Variants in SGK3 observed in about 807,000 individuals in gnomAD.
SGK3 encodes the protein serine/threonine-protein kinase Sgk3.
A neutral mutation model predicts 68.5 loss-of-function variants in SGK3; 47 were observed. The ratio of observed to expected loss-of-function variants is 0.69; its 90% CI spans 0.54 to 0.87. The LOEUF (loss-of-function observed/expected upper bound fraction) is 0.87. Ranked by LOEUF, SGK3 falls within the 40% of genes least tolerant of loss-of-function variation. The pLI is 0.00. For synonymous variants in SGK3, 181 were observed against 189.1 expected (o/e 0.96, Z 0.35); for missense variants, 479 against 575.5 (o/e 0.83, Z 1.72).
rs528140445 is a variant in SGK3, at chr8:66,777,761, A to G, written c.-121-15855A>G. ...CCTGACATTCAGAATTCCCTACAAC[A>G]TGATTTAAAGCCCACTTTTACAGTC... is the stretch of plus-strand genomic sequence containing the variant. On this transcript the variant is annotated intron_variant, in intron 1 of 16. Transcript: ENST00000521198. Among the ~76,000 whole-genome samples the G allele has an allele frequency of 1.1e-4, 16 of 150,624 alleles. No individual in the cohort carries two copies. In the South Asian group the frequency reaches 1.2e-3, roughly 12 times the overall value.
chr8:66,817,150 T>C (rs1203796981), intron 5 of SGK3, among the ~76,000 whole-genome samples: 1 of 151,976 alleles, frequency 6.6e-6, no homozygotes, highest in African/African-American at 2.4e-5. Context: ...GCTTTTCTTC[T>C]GGCCAGGCAC....
chr8:66,715,836 A>C (rs1354369351), intron 1 of SGK3, among the ~76,000 whole-genome samples: 2 of 152,178 alleles, frequency 1.3e-5, no homozygotes, highest in Admixed American at 6.6e-5. Context: ...AAGAGTTATC[A>C]GGGAGATATG....
chr8:66,776,075 A>T (rs1410503712), intron 1 of SGK3, among the ~76,000 whole-genome samples: 1 of 152,226 alleles, frequency 6.6e-6, no homozygotes, highest in Non-Finnish European at 1.5e-5. Flanking sequence ...AAGAATTGTC[A>T]TCACCGGAAA....
intron 1 of SGK3, among the ~76,000 whole-genome samples, chr8:66,744,601 G>A (rs143924800): frequency 0.05 from 6,931 of 137,302 alleles, 250 homozygotes; most frequent in African/African-American, 0.1. Context: ...TCTGCCTCCC[G>A]GGTTCAAGCA....
intron 1 of SGK3, chr8:66,767,326 A>G: frequency 1.1e-6 from 1 of 916,184 alleles, no homozygotes; most frequent in South Asian, 1.5e-5. Flanking sequence ...TTAAGTATAT[A>G]TCTTTTTTTC....
intron 16 of SGK3, among the ~76,000 whole-genome samples, chr8:66,856,335 G>A (rs1810505873): frequency 6.6e-6 from 1 of 152,070 alleles, no homozygotes; most frequent in Non-Finnish European, 1.5e-5. Context: ...CCAAAGTGCT[G>A]GGATTACAGG....
chr8:66,799,756 G>A (rs1164247932), intron 3 of SGK3, among the ~76,000 whole-genome samples: 2 of 152,156 alleles, frequency 1.3e-5, no homozygotes, highest in African/African-American at 2.4e-5. Context: ...CAAGTAGCTG[G>A]GATTACAGGC....
chr8:66,798,322 A>G (rs1807784695), intron 2 of SGK3, among the ~76,000 whole-genome samples: 1 of 152,088 alleles, frequency 6.6e-6, no homozygotes, highest in South Asian at 2.1e-4. Context: ...ATACCATTTG[A>G]CAAGATTCAA....
At chr8:66,782,808 G>C (rs2130533105) in intron 1 of SGK3, among the ~76,000 whole-genome samples, 1 of 152,280 alleles carries the variant, frequency 6.6e-6, no homozygotes, top group South Asian at 2.1e-4. Flanking sequence ...TGGCTGGATA[G>C]CTTATTTCTT....
chr8:66,856,904 C>A (rs539657049), intron 16 of SGK3, among the ~76,000 whole-genome samples: 56 of 152,032 alleles, frequency 3.7e-4, no homozygotes, highest in African/African-American at 1.3e-3. Context: ...ACCAGCCTGG[C>A]CAACATGGTG....
At chr8:66,731,637 C>A (rs1210609200) in intron 1 of SGK3, among the ~76,000 whole-genome samples, 2 of 152,110 alleles carry the variant, frequency 1.3e-5, no homozygotes, top group Non-Finnish European at 2.9e-5. Context: ...TGGGTTCATG[C>A]CATTCTCCTG....
intron 1 of SGK3, among the ~76,000 whole-genome samples, chr8:66,719,340 A>G (rs1372077824): frequency 1.4e-5 from 2 of 142,328 alleles, no homozygotes; most frequent in Non-Finnish European, 3.0e-5. Context: ...TTGTTTGTTT[A>G]TCTTGTGACA....
intron 1 of SGK3, among the ~76,000 whole-genome samples, chr8:66,744,664 CCTGA>C (rs1805596971): frequency 6.7e-6 from 1 of 150,156 alleles, no homozygotes; most frequent in Non-Finnish European, 1.5e-5. Context: ...TGCCACTATG[CCTGA>C]CTAATTTTTG....
intron 1 of SGK3, among the ~76,000 whole-genome samples, chr8:66,746,325 T>C (rs756973163): frequency 1.3e-5 from 2 of 152,212 alleles, no homozygotes; most frequent in Non-Finnish European, 2.9e-5. Context: ...AGGGGAATTC[T>C]GAGAGAAAAG....
Position 66,828,798 on chromosome 8 carries a change from G to C in SGK3, c.467+95G>C, listed in dbSNP as rs1055824163. ...TATGTATAATTACACTAATTTAACT[G>C]TAGGCCTTTGAAATATAACCATAGT... On this transcript the variant is annotated intron_variant, in intron 7 of 16. Transcript: ENST00000521198. The C allele has an allele frequency of 2.0e-6, 3 of 1,463,504 alleles. No individual in the cohort carries two copies. In the African/African-American group the frequency reaches 4.2e-5, roughly 20 times the overall value. 90.7% of individuals were successfully genotyped at this position (1,463,504 alleles called of 1,614,324 possible).
At chr8:66,721,741 T>TC (rs961505188) in intron 1 of SGK3, among the ~76,000 whole-genome samples, 2 of 152,184 alleles carry the variant, frequency 1.3e-5, no homozygotes, top group Non-Finnish European at 2.9e-5. Flanking sequence ...TATTTTTTTT[T>TC]CCCAGTTAAA....
Position 66,738,060 on chromosome 8 carries a change from C to T in SGK3, c.-122+25227C>T, listed in dbSNP as rs189577221. Among the ~76,000 whole-genome samples, 14 of 152,052 alleles carry T rather than the reference C, an allele frequency of 9.2e-5. No homozygotes were observed. In the East Asian group the frequency reaches 1.5e-3, roughly 17 times the overall value. ...ATTGTCTCTACTATTCTCCTGATGTCCCACCCCCACATTTTCACCAATTTC... is the reference window on the plus strand; with the variant it reads ...ATTGTCTCTACTATTCTCCTGATGTTCCACCCCCACATTTTCACCAATTTC... On this transcript the variant is annotated intron_variant, in intron 1 of 16. Coordinates refer to ENST00000521198, the MANE Select transcript of SGK3 (RefSeq NM_001033578.3).
At chr8:66,814,042 T>C (rs1808484466) in intron 5 of SGK3, 114 bp downstream of exon 5, 3 of 756,866 alleles carry the variant, frequency 4.0e-6, no homozygotes, top group South Asian at 1.1e-4. Flanking sequence ...TATATATGTT[T>C]GTAAAATCTT....
chr8:66,772,714 C>T (rs900774345), intron 1 of SGK3, among the ~76,000 whole-genome samples: 6 of 152,090 alleles, frequency 3.9e-5, no homozygotes, highest in African/African-American at 1.4e-4. Flanking sequence ...GTGCCTGCCA[C>T]CACGCCTGGC....
Sources: allele counts gnomAD v4.1 joint callset (sites outside exome capture counted in the v4.1 genomes callset), GRCh38; gene constraint gnomAD v4.1.1; transcripts MANE v1.5; gene names NCBI Gene and HGNC (gene_info 2026-07-23, HGNC 2026-07-21).